DPYD: variants seen among roughly 807,000 people sequenced by gnomAD.
DPYD encodes dihydropyrimidine dehydrogenase, also known as dihydropyrimidine dehydrogenase [NADP(+)].
In DPYD, 109 loss-of-function variants were observed where a neutral mutation model predicts 116.2. That is an observed-to-expected ratio of 0.94 (90% CI 0.80 to 1.10). The LOEUF is 1.10. DPYD is among the 50% of genes least tolerant of loss of function. The pLI is 0.00. For synonymous variants in DPYD, 440 were observed against 432.0 expected (o/e 1.02, Z -0.23); for missense variants, 1,302 against 1,254.5 (o/e 1.04, Z -0.57).
chr1:97,425,605 G>C (rs12123121), intron 14 of DPYD, among the ~76,000 whole-genome samples: 6 of 151,834 alleles, frequency 4.0e-5, no homozygotes, highest in Admixed American at 1.3e-4. Flanking sequence ...GTCTACGAAG[G>C]CATCTATAAT....
chr1:97,914,680 A>T (rs527722915), intron 1 of DPYD, among the ~76,000 whole-genome samples: 22 of 152,290 alleles, frequency 1.4e-4, no homozygotes, highest in African/African-American at 4.6e-4. Flanking sequence ...CCTTTGTACC[A>T]TCTGAAACTT....
intron 12 of DPYD, among the ~76,000 whole-genome samples, chr1:97,534,993 T>A (rs1649891889): frequency 6.6e-6 from 1 of 152,104 alleles, no homozygotes. Flanking sequence ...AGTTGTTAAG[T>A]CCTTGAGCTG....
intron 18 of DPYD, among the ~76,000 whole-genome samples, chr1:97,252,925 A>G (rs954054314): frequency 6.6e-6 from 1 of 152,182 alleles, no homozygotes; most frequent in Non-Finnish European, 1.5e-5. Flanking sequence ...TACAAATCAT[A>G]AGACTCCCAG....
At chr1:97,099,661 T>G (rs925820930) in intron 20 of DPYD, among the ~76,000 whole-genome samples, 3 of 152,066 alleles carry the variant, frequency 2.0e-5, no homozygotes, top group African/African-American at 7.2e-5. Flanking sequence ...AGTCCATTTA[T>G]CTAGCTGATG....
intron 13 of DPYD, among the ~76,000 whole-genome samples, chr1:97,497,879 TATGA>T (rs1328159322): frequency 6.6e-6 from 1 of 151,750 alleles, no homozygotes. Flanking sequence ...AAAACTTACA[TATGA>T]ATGAAGAAAT....
At chr1:97,500,658 C>A (rs891662331) in intron 13 of DPYD, among the ~76,000 whole-genome samples, 12 of 152,016 alleles carry the variant, frequency 7.9e-5, no homozygotes, top group Admixed American at 3.3e-4. Flanking sequence ...ACGCAAGCAG[C>A]ATATTTTACA....
intron 8 of DPYD, among the ~76,000 whole-genome samples, chr1:97,605,026 A>C (rs1055755527): frequency 2.0e-5 from 3 of 152,122 alleles, no homozygotes. Flanking sequence ...CTAGCATTAA[A>C]TCAATTACAC....
At chr1:97,379,163 A>G (rs367971458) in intron 15 of DPYD, among the ~76,000 whole-genome samples, 3 of 152,168 alleles carry the variant, frequency 2.0e-5, no homozygotes, top group Non-Finnish European at 4.4e-5. Flanking sequence ...TTGCAGGCCA[A>G]GGGAACAGGA....
chr1:97,815,294 T>C (rs561135668), intron 3 of DPYD, among the ~76,000 whole-genome samples: 79 of 152,180 alleles, frequency 5.2e-4, no homozygotes, highest in African/African-American at 1.9e-3. Context: ...AAATAGATGG[T>C]TATCTAAGGA....
chr1:97,628,706 A>G (rs183186827), intron 8 of DPYD, among the ~76,000 whole-genome samples: 20 of 152,194 alleles, frequency 1.3e-4, no homozygotes, highest in Admixed American at 7.2e-4. Context: ...ATATATGCAT[A>G]CATGCAAAAA....
chr1:97,882,859 T>C (rs1457039225), intron 2 of DPYD, among the ~76,000 whole-genome samples: 3 of 152,066 alleles, frequency 2.0e-5, no homozygotes, highest in African/African-American at 7.2e-5. Flanking sequence ...ATTTAGACTA[T>C]ATCTTTAACA....
chr1:97,906,188 T>C (rs1315811422), intron 1 of DPYD, among the ~76,000 whole-genome samples: 1 of 152,066 alleles, frequency 6.6e-6, no homozygotes, highest in East Asian at 1.9e-4. Context: ...GGCCCCTAAA[T>C]TACTGGATAT....
At chr1:97,608,426 G>A (rs150317725) in intron 8 of DPYD, among the ~76,000 whole-genome samples, 9 of 151,934 alleles carry the variant, frequency 5.9e-5, no homozygotes, top group South Asian at 2.1e-4. Context: ...GTACATTCAC[G>A]TCTGGTTCAC....
intron 19 of DPYD, among the ~76,000 whole-genome samples, chr1:97,221,453 C>T (rs772261901): frequency 6.9e-6 from 1 of 143,966 alleles, no homozygotes; most frequent in South Asian, 2.5e-4. Context: ...GATATACCCA[C>T]AGCTTCATAA....
chr1:97,738,453 C>G (rs1318969467), intron 4 of DPYD, among the ~76,000 whole-genome samples: 1 of 152,056 alleles, frequency 6.6e-6, no homozygotes, highest in Non-Finnish European at 1.5e-5. Flanking sequence ...TAACACAATA[C>G]AAAACAAGTG....
At chr1:97,721,024 T>A in intron 5 of DPYD, 2 of 1,471,532 alleles carry the variant, frequency 1.4e-6, no homozygotes, top group Non-Finnish European at 1.8e-6. Context: ...GTTCACAAAA[T>A]CTAATGACAT....
At chr1:97,912,355 G>C (rs1245930581) in intron 1 of DPYD, among the ~76,000 whole-genome samples, 1 of 152,084 alleles carries the variant, frequency 6.6e-6, no homozygotes, top group African/African-American at 2.4e-5. Flanking sequence ...GATAATAAGA[G>C]AGAGGCTTGA....
chr1:97,516,602 G>A (rs985009017), intron 12 of DPYD, among the ~76,000 whole-genome samples: 3 of 151,850 alleles, frequency 2.0e-5, no homozygotes, highest in African/African-American at 7.3e-5. Context: ...CAAAATCTTC[G>A]ACTGGCACTC....
At chr1:97,629,425 C>T (rs1557847459) in intron 8 of DPYD, among the ~76,000 whole-genome samples, 1 of 152,040 alleles carries the variant, frequency 6.6e-6, no homozygotes, top group Non-Finnish European at 1.5e-5. Context: ...CTATCCTACC[C>T]CAGTGGTCAG....
Sources: allele counts gnomAD v4.1 joint callset (sites outside exome capture counted in the v4.1 genomes callset), GRCh38; gene constraint gnomAD v4.1.1; transcripts MANE v1.5; gene names NCBI Gene and HGNC (gene_info 2026-07-23, HGNC 2026-07-21).